The following ARHGEF3 variants were observed in gnomAD, a reference collection of about 807,000 sequenced individuals.
The protein encoded by ARHGEF3 is Rho guanine nucleotide exchange factor 3.
A neutral mutation model predicts 63.2 loss-of-function variants in ARHGEF3; 28 were observed. That is an observed-to-expected ratio of 0.44 (90% CI 0.33 to 0.61). The LOEUF (loss-of-function observed/expected upper bound fraction) is 0.61. Ranked by LOEUF, ARHGEF3 falls within the 20% of genes least tolerant of loss-of-function variation. The probability of loss-of-function intolerance (pLI) is 0.03; values close to 1 mark genes in which losing one functional copy is unlikely to be tolerated. For synonymous variants in ARHGEF3, 266 were observed against 254.2 expected (o/e 1.05, Z -0.44); for missense variants, 533 against 659.3 (o/e 0.81, Z 2.10).
chr3:57,046,542 T>G (rs1484867211), intron 1 of ARHGEF3, among the ~76,000 whole-genome samples: 1 of 152,172 alleles, frequency 6.6e-6, no homozygotes, highest in Admixed American at 6.5e-5. Context: ...CTAAAGTTAG[T>G]GGGAAAATCC....
chr3:56,992,024 C>CTCTCTCTCTCTG (rs1239113895), intron 2 of ARHGEF3, among the ~76,000 whole-genome samples: 7 of 131,718 alleles, frequency 5.3e-5, no homozygotes, highest in African/African-American at 2.0e-4. Context: ...CCTCCTCTCT[C>CTCTCTCTCTCTG]TGTGTGTGTG....
At chr3:56,789,462 C>T (rs1380218744) in intron 1 of ARHGEF3, among the ~76,000 whole-genome samples, 6 of 152,172 alleles carry the variant, frequency 3.9e-5, no homozygotes, top group African/African-American at 7.2e-5. Context: ...AGTTGGCTAA[C>T]GTAGCACAGA....
At chr3:57,017,790 T>C (rs1331404353) in intron 2 of ARHGEF3, among the ~76,000 whole-genome samples, 1 of 152,220 alleles carries the variant, frequency 6.6e-6, no homozygotes, top group Non-Finnish European at 1.5e-5. Context: ...CCATTCACGC[T>C]TCTCCAAGAG....
At chr3:57,031,566 C>A (rs755169768) in intron 2 of ARHGEF3, among the ~76,000 whole-genome samples, 1 of 152,182 alleles carries the variant, frequency 6.6e-6, no homozygotes, top group African/African-American at 2.4e-5. Context: ...ACCTCTCCCC[C>A]ACAGATGCCA....
intron 2 of ARHGEF3, among the ~76,000 whole-genome samples, chr3:56,986,762 T>C (rs894354338): frequency 6.8e-6 from 1 of 147,838 alleles, no homozygotes. Context: ...AGACAGTAGG[T>C]AGGAAAGAAG....
At chr3:56,969,763 AAG>A (rs1491037566) in intron 2 of ARHGEF3, among the ~76,000 whole-genome samples, 2 of 149,232 alleles carry the variant, frequency 1.3e-5, no homozygotes, top group African/African-American at 2.4e-5. Context: ...AAAAAAAAAA[AAG>A]AAAGAAAAAG....
At chr3:56,794,644 T>A (rs1001395170) in intron 1 of ARHGEF3, among the ~76,000 whole-genome samples, 1 of 152,116 alleles carries the variant, frequency 6.6e-6, no homozygotes, top group Non-Finnish European at 1.5e-5. Context: ...CAGAACCCTC[T>A]CAGATACCAA....
At chr3:56,775,758 G>T in intron 1 of ARHGEF3, 1 of 808,506 alleles carries the variant, frequency 1.2e-6, no homozygotes, top group Non-Finnish European at 1.5e-6. Flanking sequence ...CGTCAGAGCT[G>T]CACCACTAGC....
intron 2 of ARHGEF3, among the ~76,000 whole-genome samples, chr3:56,968,490 A>T (rs1014096931): frequency 2.9e-5 from 4 of 139,362 alleles, no homozygotes; most frequent in Admixed American, 8.2e-5. Flanking sequence ...CACCAGCACA[A>T]CTAGCTTTTT....
rs541463940 is a variant in ARHGEF3 at position 56,987,738 on chromosome 3, C to T, written c.63-28849G>A. On this transcript the variant is annotated intron_variant, in intron 2 of 12. Transcript: ENST00000338458. ...ACCTCACTCCCCCTACCGTGCACAG[C>T]CAATCCTGCAGCCACTAAGAGACCA... is the stretch of plus-strand genomic sequence containing the variant. 2.0e-5 allele frequency among the ~76,000 whole-genome samples: 3 copies of T among 152,282 alleles called. No individual in the cohort carries two copies. The East Asian group carries it at 5.8e-4, about 29-fold the overall frequency.
chr3:56,754,444 G>A (rs1231131462), intron 3 of ARHGEF3, among the ~76,000 whole-genome samples: 2 of 152,158 alleles, frequency 1.3e-5, no homozygotes, highest in African/African-American at 4.8e-5. Flanking sequence ...GCACAACCCT[G>A]AGCTGGATAC....
At chr3:56,903,668 T>G (rs541646171) in intron 3 of ARHGEF3, among the ~76,000 whole-genome samples, 1 of 152,326 alleles carries the variant, frequency 6.6e-6, no homozygotes, top group East Asian at 1.9e-4. Flanking sequence ...CTTGTTTGGA[T>G]AGCTGCATTT....
intron 1 of ARHGEF3, among the ~76,000 whole-genome samples, chr3:57,063,438 G>A (rs984437233): frequency 1.3e-5 from 2 of 152,198 alleles, no homozygotes; most frequent in Admixed American, 1.3e-4. Context: ...CTTGGAGGCC[G>A]CAGTCATTCA....
At chr3:57,059,788 A>G (rs934266364) in intron 1 of ARHGEF3, among the ~76,000 whole-genome samples, 5 of 150,596 alleles carry the variant, frequency 3.3e-5, no homozygotes, top group African/African-American at 1.2e-4. Context: ...CCTAAGGTCC[A>G]GAGTTCAAGA....
rs145737471 is a variant in ARHGEF3, at chr3:56,973,102, C to T, written c.63-14213G>A. On this transcript the variant is annotated intron_variant, in intron 2 of 12. Coordinates refer to the ARHGEF3 transcript ENST00000338458. ...TGCGATTTTGGCTCACTATAAGCTC[C>T]GCCTCCCGGGTTCACACCATTCTCC... is the stretch of plus-strand genomic sequence containing the variant. Among the ~76,000 whole-genome samples the T allele has an allele frequency of 2.2e-3, 334 of 151,770 alleles. 1 individual carries two copies. The highest frequency in any genetic ancestry group is 3.3e-3 in the Non-Finnish European group (226 of 67,920).
At position 57,057,905 on chromosome 3, in the gene ARHGEF3, G is replaced by A. The variant is rs576120799; in HGVS notation, c.-28+21321C>T. Among the ~76,000 whole-genome samples the A allele has an allele frequency of 7.9e-5, 12 of 152,280 alleles. No homozygotes were observed. In the East Asian group the frequency reaches 1.7e-3, roughly 22 times the overall value. On this transcript the variant is annotated intron_variant, in intron 1 of 12. Transcript: ENST00000338458. ...TTACTGTCCATACTAGACAGACAAG[G>A]GAGAGTTGAGGAGGGGCCACTTAAA... is the stretch of plus-strand genomic sequence containing the variant.
intron 7 of ARHGEF3, 87 bp downstream of exon 7, chr3:56,745,118 G>T: frequency 1.3e-6 from 2 of 1,491,396 alleles, no homozygotes; most frequent in Non-Finnish European, 1.8e-6. Context: ...AAGTACCCAG[G>T]GACTCTTCCA....
chr3:56,736,753 C>T (rs2033649343), intron 8 of ARHGEF3, among the ~76,000 whole-genome samples: 1 of 152,122 alleles, frequency 6.6e-6, no homozygotes, highest in African/African-American at 2.4e-5. Context: ...TACATATACA[C>T]ATATGATCCT....
At chr3:56,863,080 A>G (rs1462080031) in intron 4 of ARHGEF3, among the ~76,000 whole-genome samples, 1 of 152,160 alleles carries the variant, frequency 6.6e-6, no homozygotes, top group African/African-American at 2.4e-5. Flanking sequence ...TTGAAGAAAG[A>G]TGGTTGTGTA....
Sources: gnomAD v4.1 joint callset for allele counts (sites outside exome capture counted in the v4.1 genomes callset) on GRCh38, gnomAD v4.1.1 for gene constraint, MANE v1.5 for transcripts, NCBI Gene and HGNC (gene_info 2026-07-23, HGNC 2026-07-21) for gene names.